RIN3: variants seen among roughly 807,000 people sequenced by gnomAD.
The protein encoded by RIN3 is Ras and Rab interactor 3.
RIN3 carries 54 observed loss-of-function variants against 76.3 expected under a neutral mutation model. The observed-to-expected ratio is 0.71, with a 90% CI of 0.57 to 0.89. The LOEUF is 0.89. RIN3 is among the 40% of genes least tolerant of loss of function. RIN3 has a pLI of 0.00. For missense variants in RIN3, 1,256 were observed against 1,322.1 expected (o/e 0.95, Z 0.78); for synonymous variants, 576 against 564.0 (o/e 1.02, Z -0.30).
chr14:92,514,341 A>C lies in RIN3; in HGVS notation c.44+365A>C, dbSNP rs1283084114. ...GGCGTCTGCCCCGCCTGAACTTTGC[A>C]AACAAAACTCGCGGTCCCAGCCCCG... On this transcript the variant is annotated intron_variant, in intron 1 of 9. Coordinates refer to ENST00000216487, the MANE Select transcript of RIN3 (RefSeq NM_024832.5). The surrounding 1 kb of genome is among the most constrained non-coding windows in gnomAD (Gnocchi z 7.2). Among the ~76,000 whole-genome samples, 1 of 152,186 alleles carries C rather than the reference A, an allele frequency of 6.6e-6. No individual in the cohort carries two copies. The highest frequency in any genetic ancestry group is 1.5e-5 in the Non-Finnish European group (1 of 68,032).
chr14:92,611,779 G>A (rs533253392), intron 3 of RIN3, among the ~76,000 whole-genome samples: 19 of 152,206 alleles, frequency 1.2e-4, no homozygotes, highest in East Asian at 5.8e-4. Flanking sequence ...TGTTGTGTTC[G>A]TCTGTTGTTG....
chr14:92,555,651 C>T (rs536888699), intron 1 of RIN3, 100 bp from the exon 2 acceptor site: 4 of 1,119,948 alleles, frequency 3.6e-6, no homozygotes, highest in Non-Finnish European at 5.4e-6. Context: ...CTGACTACCT[C>T]ATGCTGAATA....
In RIN3 at chr14:92,651,983, C is replaced by A; in HGVS notation, c.934C>A (p.Pro312Thr). 1.5e-6 allele frequency: 2 copies of A among 1,315,332 alleles called. No individual in the cohort carries two copies. The highest frequency in any genetic ancestry group is 1.0e-6 in the Non-Finnish European group (1 of 972,282). The allele number at this position is 1,315,332 out of a possible 1,614,324, so 81.5% of individuals were successfully genotyped here. The change falls in exon 6 of 10, where the codon CCC becomes ACC. Residue 312 changes from proline to threonine, a missense_variant. Physicochemically the swap from Pro to Thr is conservative, Grantham distance 38. Coordinates refer to ENST00000216487, the MANE Select transcript of RIN3 (RefSeq NM_024832.5). ...ALAPAPACPL[P>T]TSPPVPAPHV... ...TGCCCCCGCCCCTGCCTGTCCTTTGCCCACCTCTCCCCCAGTGCCTGCCCC... is the reference window on the plus strand; with the variant it reads ...TGCCCCCGCCCCTGCCTGTCCTTTGACCACCTCTCCCCCAGTGCCTGCCCC...
chr14:92,616,353 C>T (rs1885965928), intron 4 of RIN3, among the ~76,000 whole-genome samples: 1 of 152,198 alleles, frequency 6.6e-6, no homozygotes, highest in South Asian at 2.1e-4. Context: ...TAAATACCCT[C>T]TAGAGGAGTC....
intron 3 of RIN3, among the ~76,000 whole-genome samples, chr14:92,611,701 G>A (rs963747784): frequency 1.3e-5 from 2 of 152,154 alleles, no homozygotes; most frequent in Admixed American, 1.3e-4. Context: ...GTATTCACAT[G>A]TATCACATTC....
chr14:92,546,394 T>A (rs992610285), intron 1 of RIN3, among the ~76,000 whole-genome samples: 4 of 152,242 alleles, frequency 2.6e-5, no homozygotes, highest in Non-Finnish European at 4.4e-5. Flanking sequence ...CTCTACTTGC[T>A]GTTTTGAAGT....
intron 1 of RIN3, among the ~76,000 whole-genome samples, chr14:92,537,908 A>C (rs12889123): frequency 0.57 from 85,372 of 150,938 alleles, 24,138 homozygotes; most frequent in Middle Eastern, 0.69. Context: ...GCGACCTTGG[A>C]CCACTGCAGC....
At chr14:92,580,715 G>C (rs1898407487) in intron 3 of RIN3, among the ~76,000 whole-genome samples, 2 of 152,218 alleles carry the variant, frequency 1.3e-5, no homozygotes, top group Non-Finnish European at 2.9e-5. Context: ...CAGTTTCCTA[G>C]GACTGACTCC....
Position 92,687,992 on chromosome 14 carries a change from A to C in RIN3, c.2698A>C (p.Thr900Pro). ...GCGGACGCTGGCGTCGCGGGCGGACACCCAGGCCCAGGCGCTGTGCGCGCA... is the reference window on the plus strand; with the variant it reads ...GCGGACGCTGGCGTCGCGGGCGGACCCCCAGGCCCAGGCGCTGTGCGCGCA... Reference protein sequence around the residue: ...QARTLASRADTQAQALCAQCA... With the variant: ...QARTLASRADPQAQALCAQCA... The change falls in exon 10 of 10, where the codon ACC becomes CCC. Residue 900 changes from threonine (T) to proline (P), a missense_variant. Thr to Pro is a conservative substitution (Grantham distance 38). This residue lies in a region of RIN3 where 218 missense variants were observed against 174.5 expected (regional missense o/e 1.25). Transcript: ENST00000216487. 2.6e-6 allele frequency: 4 copies of C among 1,567,274 alleles called. No homozygotes were observed. The highest frequency in any genetic ancestry group is 3.5e-6 in the Non-Finnish European group (4 of 1,157,710).
At chr14:92,552,907 G>A (rs1897470320) in intron 1 of RIN3, among the ~76,000 whole-genome samples, 1 of 151,756 alleles carries the variant, frequency 6.6e-6, no homozygotes, top group South Asian at 2.1e-4. Flanking sequence ...ACCTGTGCCT[G>A]GAACAGCATT....
intron 1 of RIN3, among the ~76,000 whole-genome samples, chr14:92,545,437 A>T (rs773524305): frequency 2.6e-5 from 4 of 152,026 alleles, no homozygotes; most frequent in Admixed American, 6.6e-5. Context: ...GTGATTTCAG[A>T]CTGGCAGAAG....
chr14:92,561,721 G>A (rs1272826495), intron 2 of RIN3, among the ~76,000 whole-genome samples: 1 of 152,134 alleles, frequency 6.6e-6, no homozygotes, highest in African/African-American at 2.4e-5. Flanking sequence ...GTCTTGCTCT[G>A]TCACCCAATC....
chr14:92,545,361 C>T (rs1360759718), intron 1 of RIN3, among the ~76,000 whole-genome samples: 2 of 151,944 alleles, frequency 1.3e-5, no homozygotes, highest in Non-Finnish European at 2.9e-5. Flanking sequence ...CCACCTGCCT[C>T]GGCCTCCCAA....
At chr14:92,526,212 T>A (rs1013526459) in intron 1 of RIN3, among the ~76,000 whole-genome samples, 36 of 152,230 alleles carry the variant, frequency 2.4e-4, no homozygotes, top group Admixed American at 1.7e-3. Context: ...TCCCAGCACT[T>A]TGGGAGGCCG....
At chr14:92,633,727 A>C (rs1222742788) in intron 4 of RIN3, among the ~76,000 whole-genome samples, 1 of 152,208 alleles carries the variant, frequency 6.6e-6, no homozygotes, top group Non-Finnish European at 1.5e-5. Flanking sequence ...AACACTTCAG[A>C]GGGGGTTATC....
intron 1 of RIN3, among the ~76,000 whole-genome samples, chr14:92,554,425 G>T (rs1048743635): frequency 5.9e-5 from 9 of 152,128 alleles, no homozygotes; most frequent in African/African-American, 2.2e-4. Context: ...CCCCCACCGT[G>T]CTGTGTTGAC....
intron 7 of RIN3, among the ~76,000 whole-genome samples, chr14:92,664,169 G>A (rs1007810318): frequency 6.6e-5 from 10 of 152,040 alleles, no homozygotes; most frequent in African/African-American, 2.2e-4. Context: ...CCCAGACAAC[G>A]CTGCTTGTAC....
At chr14:92,661,269 G>C (rs1489226625) in intron 7 of RIN3, among the ~76,000 whole-genome samples, 1 of 152,188 alleles carries the variant, frequency 6.6e-6, no homozygotes, top group African/African-American at 2.4e-5. Context: ...AGGCCAGTTT[G>C]GCCATAGACC....
chr14:92,659,303 C>G lies in RIN3; in HGVS notation c.2169C>G (p.Thr723=), dbSNP rs746590008. 3 of 1,613,584 alleles carry G rather than the reference C, an allele frequency of 1.9e-6. No individual in the cohort carries two copies. The highest frequency in any genetic ancestry group is 2.2e-5 in the East Asian group (1 of 44,878). ...ACCAGTTAGTGATCCTGGCCACCAC[C>G]ACCACTGACCTAGGTGTGACCACCA... ...KENQLVILAT[T]TTDLGVTTSV... Residue 723 remains threonine (T), a synonymous_variant, in exon 7 of 10, where the codon ACC becomes ACG. Coordinates refer to ENST00000216487, the MANE Select transcript of RIN3 (RefSeq NM_024832.5).
Sources: gnomAD v4.1 joint callset for allele counts (sites outside exome capture counted in the v4.1 genomes callset) on GRCh38, gnomAD v4.1.1 for gene constraint, gnomAD v4.1.1 regional missense constraint, Gnocchi (gnomAD v3.1) non-coding constraint, MANE v1.5 for transcripts, NCBI Gene and HGNC (gene_info 2026-07-23, HGNC 2026-07-21) for gene names.